PDZD8: variants seen among roughly 807,000 people sequenced by gnomAD.
PDZD8 encodes PDZ domain containing 8.
Under a neutral mutation model 85.8 loss-of-function variants are expected in PDZD8, and 14 were observed. That is an observed-to-expected ratio of 0.16 (90% CI 0.11 to 0.26). PDZD8 has a LOEUF of 0.26. Among genes scored for constraint, PDZD8 ranks in the 10% least tolerant of loss-of-function variants. The pLI, the probability that PDZD8 is intolerant of heterozygous loss-of-function variation, is 1.00. For synonymous variants in PDZD8, 592 were observed against 568.6 expected, an observed-to-expected ratio of 1.04 and a Z score of -0.59; for missense variants, 1,197 against 1,424.3, an observed-to-expected ratio of 0.84 and a Z score of 2.57.
chr10:117,299,594 A>T (rs935782096), intron 3 of PDZD8, among the ~76,000 whole-genome samples: 1 of 151,994 alleles, frequency 6.6e-6, no homozygotes, highest in African/African-American at 2.4e-5. Flanking sequence ...TCTTCTACTT[A>T]TTGTAGTCTG....
rs183982267 is a variant in PDZD8, at chr10:117,351,130, C to A, written c.873-10028G>T. ...ACTACTTTGAAAATTGTAGTAATAT[C>A]TACGAAGCCAGTAGAGATCCACCCT... On this transcript the variant is annotated intron_variant, in intron 1 of 4. Coordinates refer to ENST00000334464, the MANE Select transcript of PDZD8 (RefSeq NM_173791.5). Among the ~76,000 whole-genome samples the A allele has an allele frequency of 8.5e-5, 13 of 152,178 alleles. 1 individual carries two copies. Among genetic ancestry groups the A allele is most frequent in the Middle Eastern group, 6.8e-3 (2 of 294 alleles).
chr10:117,303,975 A>C (rs368794806), intron 3 of PDZD8, among the ~76,000 whole-genome samples: 3 of 152,324 alleles, frequency 2.0e-5, no homozygotes, highest in South Asian at 2.1e-4. Flanking sequence ...AGAGCCCCCC[A>C]CACAGAGTCT....
intron 3 of PDZD8, among the ~76,000 whole-genome samples, chr10:117,315,511 A>C (rs1178314081): frequency 6.9e-6 from 1 of 144,080 alleles, no homozygotes. Context: ...AGGAGAACTG[A>C]TCCAGGAGGT....
chr10:117,334,080 G>A (rs897936721), intron 2 of PDZD8, among the ~76,000 whole-genome samples: 3 of 152,202 alleles, frequency 2.0e-5, no homozygotes, highest in African/African-American at 7.2e-5. Flanking sequence ...TCCACAGATT[G>A]TAATTATAAA....
chr10:117,323,372 A>G (rs1001518607), intron 2 of PDZD8, among the ~76,000 whole-genome samples: 2 of 152,162 alleles, frequency 1.3e-5, no homozygotes, highest in Non-Finnish European at 2.9e-5. Flanking sequence ...GCTCCCCTCT[A>G]TCCTACTTTG....
intron 1 of PDZD8, among the ~76,000 whole-genome samples, chr10:117,351,204 A>T (rs1048650895): frequency 2.0e-5 from 3 of 152,166 alleles, no homozygotes; most frequent in African/African-American, 7.2e-5. Flanking sequence ...AATGTGCACA[A>T]ATGTTCACCA....
At chr10:117,362,642 T>A (rs1156731147) in intron 1 of PDZD8, among the ~76,000 whole-genome samples, 3 of 152,094 alleles carry the variant, frequency 2.0e-5, no homozygotes, top group Admixed American at 2.0e-4. Flanking sequence ...AACTCTGTAG[T>A]ATTAAAAAGT....
Position 117,374,692 on chromosome 10 carries a change from C to T in PDZD8, c.536G>A (p.Gly179Glu), listed in dbSNP as rs1437242969. The T allele has an allele frequency of 6.3e-7, 1 of 1,599,354 alleles. No homozygotes were observed. Among genetic ancestry groups the T allele is most frequent in the Non-Finnish European group, 8.5e-7 (1 of 1,173,446 alleles). ...GGGGCAGGCGGCGGGCAGCGCCTCC[C>T]CTTCAGGGCCATCGGGCTCCCCGGT... is the stretch of plus-strand genomic sequence containing the variant. ...SATGEPDGPE[G>E]EALPAACPEE... Residue 179 changes from glycine (G) to glutamate (E), a missense_variant, in exon 1 of 5, where the codon GGG becomes GAG. By Grantham distance (98) the Gly-to-Glu change is moderately conservative. Transcript: ENST00000334464. This position sits in a 1 kb window ranked among gnomAD's most constrained non-coding sequence, Gnocchi z 7.8.
At chr10:117,335,605 T>C (rs778891815) in intron 2 of PDZD8, among the ~76,000 whole-genome samples, 1 of 152,070 alleles carries the variant, frequency 6.6e-6, no homozygotes, top group Non-Finnish European at 1.5e-5. Context: ...TCAGTAAGGA[T>C]GAAGAAAAGT....
chr10:117,324,743 T>C (rs1844286400), intron 2 of PDZD8, among the ~76,000 whole-genome samples: 1 of 152,198 alleles, frequency 6.6e-6, no homozygotes, highest in South Asian at 2.1e-4. Context: ...AATAAACTGA[T>C]GAGAATAATT....
At chr10:117,329,481 G>C (rs1032037703) in intron 2 of PDZD8, among the ~76,000 whole-genome samples, 1 of 151,978 alleles carries the variant, frequency 6.6e-6, no homozygotes, top group African/African-American at 2.4e-5. Context: ...AAATTTTTTT[G>C]TGAAAAATCA....
chr10:117,297,840 A>G (rs1014986553), intron 3 of PDZD8, among the ~76,000 whole-genome samples: 1 of 152,174 alleles, frequency 6.6e-6, no homozygotes, highest in African/African-American at 2.4e-5. Flanking sequence ...TACCCTTAGT[A>G]AATTTTATTG....
intron 1 of PDZD8, among the ~76,000 whole-genome samples, chr10:117,372,695 A>C (rs186259000): frequency 3.9e-5 from 6 of 152,330 alleles, no homozygotes; most frequent in Non-Finnish European, 5.9e-5. Context: ...GTTCTACTTC[A>C]CAGAACCAGA....
chr10:117,355,642 T>G (rs1292493041), intron 1 of PDZD8, among the ~76,000 whole-genome samples: 1 of 152,156 alleles, frequency 6.6e-6, no homozygotes, highest in East Asian at 1.9e-4. Flanking sequence ...GGATAACAAT[T>G]ACACCTACCT....
chr10:117,309,598 A>G (rs927622401), intron 3 of PDZD8, among the ~76,000 whole-genome samples: 1 of 152,008 alleles, frequency 6.6e-6, no homozygotes, highest in African/African-American at 2.4e-5. Flanking sequence ...TTCAAGCCAC[A>G]CAGACTCTAT....
chr10:117,357,182 C>G (rs995571382), intron 1 of PDZD8, among the ~76,000 whole-genome samples: 2 of 152,088 alleles, frequency 1.3e-5, no homozygotes, highest in Admixed American at 6.5e-5. Flanking sequence ...CACTTAAGGC[C>G]AGGAGTTCGA....
chr10:117,314,819 C>T (rs192833775), intron 3 of PDZD8, among the ~76,000 whole-genome samples: 1 of 152,058 alleles, frequency 6.6e-6, no homozygotes, highest in East Asian at 1.9e-4. Flanking sequence ...ATTTATATAC[C>T]AATATTGTTT....
At position 117,318,888 on chromosome 10, in the gene PDZD8, CT is replaced by C; in HGVS notation, c.1081del (p.Arg361GlyfsTer9). The C allele has an allele frequency of 6.2e-7, 1 of 1,603,560 alleles. No individual in the cohort carries two copies. The highest frequency in any genetic ancestry group is 8.5e-7 in the Non-Finnish European group (1 of 1,171,144). On this transcript the variant is annotated frameshift_variant, in exon 3 of 5. Coordinates refer to ENST00000334464, the MANE Select transcript of PDZD8 (RefSeq NM_173791.5). LOFTEE classifies it high-confidence loss of function. ...CCATTTTACCGTCTTAATAGAACTC[CT>C]CTGTTTTTCTTCCCAAACACTACTG... ...LSSSVWEEKQ[R>X]SSIKTVELIK...
chr10:117,335,096 G>C (rs972335538), intron 2 of PDZD8, among the ~76,000 whole-genome samples: 10 of 152,158 alleles, frequency 6.6e-5, no homozygotes, highest in African/African-American at 2.4e-4. Context: ...TGGTCTAAGT[G>C]CTGAAAGCCA....
Sources: allele counts gnomAD v4.1 joint callset (sites outside exome capture counted in the v4.1 genomes callset), GRCh38; gene constraint gnomAD v4.1.1; non-coding constraint Gnocchi (gnomAD v3.1); transcripts MANE v1.5; gene names NCBI Gene and HGNC (gene_info 2026-07-23, HGNC 2026-07-21).